The following FN3KRP variants were observed in gnomAD, a reference collection of about 807,000 sequenced individuals.
The protein encoded by FN3KRP is fructosamine 3 kinase related protein, also known as ketosamine-3-kinase.
FN3KRP carries 33 observed loss-of-function variants against 29.8 expected under a neutral mutation model. The ratio of observed to expected loss-of-function variants is 1.11; its 90% CI spans 0.84 to 1.48. The LOEUF (loss-of-function observed/expected upper bound fraction) is 1.48. Ranked by LOEUF, FN3KRP falls within the 40% of genes most tolerant of loss-of-function variation. The pLI is 0.00. For missense variants in FN3KRP, 430 were observed against 402.6 expected (o/e 1.07, Z -0.58); for synonymous variants, 157 against 155.2 (o/e 1.01, Z -0.09).
At chr17:82,726,790 A>G (rs750362832) in intron 5 of FN3KRP, 43 bp from the exon 6 acceptor site, 3 of 1,513,544 alleles carry the variant, frequency 2.0e-6, no homozygotes, top group Non-Finnish European at 2.7e-6. Flanking sequence ...CCCCTCATGC[A>G]CGCGTTGATC....
rs774541187 is a variant in FN3KRP at position 82,726,942 on chromosome 17, AC to A, written c.704del (p.Pro235GlnfsTer14). 1.2e-6 allele frequency: 2 copies of A among 1,612,900 alleles called. No individual in the cohort carries two copies. The highest frequency in any genetic ancestry group is 1.6e-4 in the Middle Eastern group (1 of 6,062). ...AEDSSGPVIF[D>X]PASFYGHSEY... ...GATTCCTCTGGGCCGGTGATTTTTG[AC>A]CCAGCTTCTTTCTACGGCCACTCGG... On this transcript the variant is annotated frameshift_variant, in exon 6 of 6. Transcript: ENST00000269373. LOFTEE classifies it high-confidence loss of function.
chr17:82,718,761 G>GA, intron 1 of FN3KRP, 145 bp from the exon 2 acceptor site: 1 of 1,236,176 alleles, frequency 8.1e-7, no homozygotes, highest in Non-Finnish European at 1.1e-6. Flanking sequence ...AAGTGTGTTT[G>GA]AAAACACTGT....
intron 2 of FN3KRP, among the ~76,000 whole-genome samples, chr17:82,719,531 A>C (rs12941965): frequency 0.2 from 30,283 of 152,072 alleles, 3,089 homozygotes; most frequent in Admixed American, 0.25. Flanking sequence ...GAGGCGGGTG[A>C]ATCACTTGAG....
chr17:82,727,447 G>A lies in FN3KRP; in HGVS notation c.*276G>A, dbSNP rs890780831. ...CTCTGAGCCTCACTGCTGCTGCAAG[G>A]TGGGGAAACTGTAAGTGAACCCCTG... On this transcript the variant is annotated 3_prime_UTR_variant, in exon 6 of 6. Transcript: ENST00000269373. 1.8e-5 allele frequency: 6 copies of A among 336,574 alleles called. No homozygotes were observed. The highest frequency in any genetic ancestry group is 8.7e-5 in the Admixed American group (2 of 23,006). The allele number at this position is 336,574 out of a possible 1,614,324, so 20.8% of individuals were successfully genotyped here. A position where few individuals can be genotyped will look rare whatever the true frequency, so the allele number is the denominator to read the frequency against.
chr17:82,720,180 G>T, intron 2 of FN3KRP, 92 bp from the exon 3 acceptor site: 1 of 1,014,320 alleles, frequency 9.9e-7, no homozygotes. Context: ...AAATAAAAAA[G>T]TTTGACCCTC....
intron 2 of FN3KRP, 41 bp from the exon 3 acceptor site, chr17:82,720,231 C>A: frequency 6.5e-7 from 1 of 1,535,114 alleles, no homozygotes; most frequent in Non-Finnish European, 9.0e-7. Context: ...TGTTGCCATT[C>A]TGTGTGTCAT....
At chr17:82,725,589 A>C (rs1313285761) in intron 4 of FN3KRP, among the ~76,000 whole-genome samples, 3 of 152,000 alleles carry the variant, frequency 2.0e-5, no homozygotes, top group East Asian at 3.9e-4. Flanking sequence ...GACTGGGATT[A>C]CAGGCGCCCA....
At chr17:82,722,453 T>TC (rs1431439257) in intron 3 of FN3KRP, among the ~76,000 whole-genome samples, 4 of 152,202 alleles carry the variant, frequency 2.6e-5, no homozygotes, top group African/African-American at 9.6e-5. Flanking sequence ...AGTGTGGTCT[T>TC]CCCCCACACC....
Position 82,726,738 on chromosome 17 carries a change from C to T in FN3KRP, c.592-95C>T, listed in dbSNP as rs532530583. 1.6e-4 allele frequency: 236 copies of T among 1,496,266 alleles called. No homozygotes were observed. In the East Asian group the frequency reaches 2.7e-3, roughly 17 times the overall value. 92.7% of individuals were successfully genotyped at this position (1,496,266 alleles called of 1,614,324 possible). On this transcript the variant is annotated intron_variant, in intron 5 of 5. Coordinates refer to ENST00000269373, the MANE Select transcript of FN3KRP (RefSeq NM_024619.4). ...AGCGGGTGCCTGGTGGTGTGCTATC[C>T]GCTGCTGCCTGGGCTGGGGGCGGTG...
In FN3KRP at chr17:82,716,815, G is replaced by T. The variant is rs200977511; in HGVS notation, c.60G>T (p.Ser20=). The change falls in exon 1 of 6, where the codon TCG becomes TCT. Residue 20 remains serine, a synonymous_variant. Transcript: ENST00000269373. ...GCSSVRATGH[S]GGGCISQGRS... The stretch of plus-strand genomic sequence containing the variant: ...GCTCTGTCAGGGCCACGGGCCACTC[G>T]GGGGGCGGGTGCATCAGCCAGGGCC... 1.3e-6 allele frequency: 2 copies of T among 1,553,292 alleles called. No homozygotes were observed. The highest frequency in any genetic ancestry group is 2.1e-5 in the Admixed American group (1 of 48,576).
intron 3 of FN3KRP, among the ~76,000 whole-genome samples, chr17:82,722,242 C>T (rs906555491): frequency 3.1e-4 from 47 of 152,200 alleles, no homozygotes; most frequent in Admixed American, 9.8e-4. Context: ...TCAAGTGATT[C>T]TCCTGCCTCA....
intron 2 of FN3KRP, among the ~76,000 whole-genome samples, chr17:82,719,648 G>A (rs1223051649): frequency 2.6e-5 from 4 of 152,146 alleles, no homozygotes; most frequent in East Asian, 1.9e-4. Flanking sequence ...CCAGCTACTC[G>A]GGAGGCTGAG....
At chr17:82,726,794 GT>G (rs2046841143) in intron 5 of FN3KRP, 38 bp from the exon 6 acceptor site, 1 of 1,517,682 alleles carries the variant, frequency 6.6e-7, no homozygotes, top group African/African-American at 1.4e-5. Context: ...TCATGCACGC[GT>G]TGATCAATTT....
At chr17:82,725,201 C>G (rs1355858923) in intron 4 of FN3KRP, among the ~76,000 whole-genome samples, 1 of 152,044 alleles carries the variant, frequency 6.6e-6, no homozygotes, top group Non-Finnish European at 1.5e-5. Flanking sequence ...GATCATAGCT[C>G]ACTGCAGCCT....
intron 2 of FN3KRP, 60 bp from the exon 3 acceptor site, chr17:82,720,212 C>A: frequency 7.4e-7 from 1 of 1,342,392 alleles, no homozygotes; most frequent in Non-Finnish European, 1.1e-6. Context: ...TGAGACTGAG[C>A]AGTGGGTGTG....
intron 4 of FN3KRP, among the ~76,000 whole-genome samples, chr17:82,723,762 C>T (rs2046818246): frequency 6.6e-6 from 1 of 151,614 alleles, no homozygotes. Context: ...GTCTGTCTTG[C>T]TTCCCTCCTG....
In FN3KRP at chr17:82,722,722, G is replaced by A. The variant is rs982493420; in HGVS notation, c.386-82G>A. On this transcript the variant is annotated intron_variant, in intron 3 of 5. Transcript: ENST00000269373. ...AAGCTGGTAGGAGCTCGCTGAGGTC[G>A]TGTCTGAAGGTGACTCAGTTTCGAG... 1.5e-5 allele frequency: 21 copies of A among 1,368,634 alleles called. No homozygotes were observed. The South Asian group carries it at 2.0e-4, about 13-fold the overall frequency. 84.8% of individuals were successfully genotyped at this position (1,368,634 alleles called of 1,614,324 possible).
intron 2 of FN3KRP, among the ~76,000 whole-genome samples, chr17:82,719,263 C>A (rs1180121649): frequency 6.6e-6 from 1 of 152,252 alleles, no homozygotes; most frequent in Non-Finnish European, 1.5e-5. Context: ...CACCCTCACA[C>A]CAGCCCCCAG....
chr17:82,722,875 TA>T lies in FN3KRP; in HGVS notation c.458del (p.Tyr153SerfsTer5). The T allele has an allele frequency of 1.2e-6, 2 of 1,614,090 alleles. No homozygotes were observed. The highest frequency in any genetic ancestry group is 8.5e-7 in the Non-Finnish European group (1 of 1,179,974). On this transcript the variant is annotated frameshift_variant, in exon 4 of 6. Transcript: ENST00000269373. LOFTEE classifies it high-confidence loss of function. ...FGFDVVTCCG[Y>X]LPQVNDWQED... ...ATTTGACGTGGTGACGTGCTGTGGA[TA>T]CCTCCCCCAGGTGAGTGCACGGCGT...
Sources: gnomAD v4.1 joint callset for allele counts (sites outside exome capture counted in the v4.1 genomes callset) on GRCh38, gnomAD v4.1.1 for gene constraint, MANE v1.5 for transcripts, NCBI Gene and HGNC (gene_info 2026-07-23, HGNC 2026-07-21) for gene names.